DOCK7: variants seen among roughly 807,000 people sequenced by gnomAD.
DOCK7 encodes the protein dedicator of cytokinesis protein 7.
Under a neutral mutation model 271.0 loss-of-function variants are expected in DOCK7, and 138 were observed. The ratio of observed to expected loss-of-function variants is 0.51; its 90% CI spans 0.44 to 0.59. DOCK7 has a LOEUF of 0.59. Ranked by LOEUF, DOCK7 falls within the 20% of genes least tolerant of loss-of-function variation. The pLI, the probability that DOCK7 is intolerant of heterozygous loss-of-function variation, is 0.00. For synonymous variants in DOCK7, 823 were observed against 876.1 expected (o/e 0.94, Z 1.07); for missense variants, 2,066 against 2,592.4 (o/e 0.80, Z 4.41).
intron 20 of DOCK7, among the ~76,000 whole-genome samples, chr1:62,556,758 GATA>G (rs1188136443): frequency 6.6e-6 from 1 of 152,112 alleles, no homozygotes; most frequent in Non-Finnish European, 1.5e-5. Flanking sequence ...ATTATGAAGA[GATA>G]ATGAGGCCAA....
chr1:62,509,930 G>A (rs1197750598), intron 34 of DOCK7, among the ~76,000 whole-genome samples: 1 of 152,156 alleles, frequency 6.6e-6, no homozygotes, highest in Non-Finnish European at 1.5e-5. Context: ...CTGGGAGAGT[G>A]CTAGGCAAAC....
Position 62,663,135 on chromosome 1 carries a change from A to C in DOCK7, c.39-5T>G, listed in dbSNP as rs761965930. ...CTAACTTCGGCTGCCACCGTTCTAC[A>C]ATGAAGAAAGCAAAAACATACGCAT... is the stretch of plus-strand genomic sequence containing the variant. On this transcript the variant is annotated splice_region_variant and splice_polypyrimidine_tract_variant and intron_variant, in intron 1 of 49. Transcript: ENST00000635253. 9 of 1,607,284 alleles carry C rather than the reference A, an allele frequency of 5.6e-6. No homozygotes were observed. The highest frequency in any genetic ancestry group is 5.4e-5 in the African/African-American group (4 of 74,640).
At chr1:62,565,334 C>T (rs922061854) in intron 18 of DOCK7, among the ~76,000 whole-genome samples, 6 of 152,154 alleles carry the variant, frequency 3.9e-5, no homozygotes, top group Admixed American at 1.3e-4. Flanking sequence ...AAACCGAATG[C>T]AGCAGCACAC....
At chr1:62,556,191 G>C (rs1382513942) in intron 20 of DOCK7, among the ~76,000 whole-genome samples, 1 of 151,982 alleles carries the variant, frequency 6.6e-6, no homozygotes, top group Non-Finnish European at 1.5e-5. Flanking sequence ...AACAAAATGA[G>C]AACTCATTTT....
intron 7 of DOCK7, among the ~76,000 whole-genome samples, chr1:62,637,836 G>A (rs906477775): frequency 3.9e-5 from 6 of 152,134 alleles, no homozygotes; most frequent in Non-Finnish European, 7.4e-5. Context: ...TAGCTATACC[G>A]AAGGTCCTTC....
At chr1:62,576,191 GAATA>G (rs1646937125) in intron 18 of DOCK7, among the ~76,000 whole-genome samples, 3 of 152,248 alleles carry the variant, frequency 2.0e-5, no homozygotes, top group East Asian at 1.9e-4. Flanking sequence ...ACTCTATAGA[GAATA>G]AATAAGCAAA....
chr1:62,510,391 GAGA>G (rs956933997), intron 34 of DOCK7, among the ~76,000 whole-genome samples, 183 bp downstream of exon 34: 4 of 152,046 alleles, frequency 2.6e-5, no homozygotes, highest in Admixed American at 6.6e-5. Context: ...ACTATACCAC[GAGA>G]AGTTCTTCCT....
chr1:62,489,331 C>T (rs1646390803), intron 41 of DOCK7, among the ~76,000 whole-genome samples: 1 of 152,024 alleles, frequency 6.6e-6, no homozygotes, highest in Non-Finnish European at 1.5e-5. Context: ...TGCCTGTAGT[C>T]CCAGCTACTC....
intron 4 of DOCK7, among the ~76,000 whole-genome samples, chr1:62,650,582 TCAAA>T (rs1164510562): frequency 1.3e-5 from 2 of 151,934 alleles, no homozygotes; most frequent in African/African-American, 4.8e-5. Context: ...TACAAAGAAC[TCAAA>T]CAAATTTACA....
At chr1:62,544,099 G>C (rs1027877299) in intron 23 of DOCK7, among the ~76,000 whole-genome samples, 15 of 151,712 alleles carry the variant, frequency 9.9e-5, no homozygotes, top group Non-Finnish European at 2.2e-4. Flanking sequence ...ACTGGTCTCA[G>C]ACCAAAAAAG....
intron 14 of DOCK7, among the ~76,000 whole-genome samples, chr1:62,612,528 G>A (rs1036160026): frequency 4.6e-5 from 7 of 151,788 alleles, no homozygotes; most frequent in South Asian, 2.1e-4. Flanking sequence ...CTTGTATCCC[G>A]GAACTTAAAG....
chr1:62,635,948 A>G (rs1355574106), intron 8 of DOCK7, among the ~76,000 whole-genome samples: 1 of 152,128 alleles, frequency 6.6e-6, no homozygotes, highest in African/African-American at 2.4e-5. Flanking sequence ...TATTAGTCTT[A>G]GAATATTAAA....
chr1:62,598,604 A>T, intron 14 of DOCK7: 2 of 727,572 alleles, frequency 2.7e-6, no homozygotes, highest in Admixed American at 4.2e-5. Flanking sequence ...ATCCATTATT[A>T]GTTTAAAAAT....
At chr1:62,603,659 C>T (rs1396798396) in intron 14 of DOCK7, among the ~76,000 whole-genome samples, 1 of 151,706 alleles carries the variant, frequency 6.6e-6, no homozygotes, top group Non-Finnish European at 1.5e-5. Flanking sequence ...AAATATTCCT[C>T]TACCAATGAC....
chr1:62,514,110 C>G (rs1644587329), intron 31 of DOCK7, among the ~76,000 whole-genome samples: 1 of 152,104 alleles, frequency 6.6e-6, no homozygotes, highest in Admixed American at 6.6e-5. Context: ...TTCCTGATAA[C>G]AGAAGTTTGT....
chr1:62,654,032 T>C lies in DOCK7; in HGVS notation c.272A>G (p.Tyr91Cys), dbSNP rs1245999236. 3 of 1,613,934 alleles carry C rather than the reference T, an allele frequency of 1.9e-6. No individual in the cohort carries two copies. The highest frequency in any genetic ancestry group is 2.5e-6 in the Non-Finnish European group (3 of 1,179,886). The change falls in exon 3 of 50, where the codon TAT becomes TGT. Residue 91 changes from tyrosine (Y) to cysteine (C), a missense_variant. By Grantham distance (194) the Tyr-to-Cys change is radical. This residue lies in a region of DOCK7 where 1,414 missense variants were observed against 1,670.4 expected (regional missense o/e 0.85). Transcript: ENST00000635253. ...AAGAGTTCTGCAGTCCCGAGGACTA[T>C]AAACAACTTCAATATCATCTGGAGG... is the stretch of plus-strand genomic sequence containing the variant. ...EFPPDDIEVV[Y>C]SPRDCRTLVS...
At chr1:62,681,033 G>A (rs1661063743) in intron 1 of DOCK7, among the ~76,000 whole-genome samples, 1 of 152,136 alleles carries the variant, frequency 6.6e-6, no homozygotes, top group African/African-American at 2.4e-5. Context: ...TCCCATTACT[G>A]GGTATATACC....
At chr1:62,460,271 A>C (rs890164517) in intron 48 of DOCK7, among the ~76,000 whole-genome samples, 6 of 152,132 alleles carry the variant, frequency 3.9e-5, no homozygotes, top group Non-Finnish European at 8.8e-5. Context: ...ACTTCCAAAC[A>C]AAACACAGTT....
chr1:62,631,227 G>T lies in DOCK7; in HGVS notation c.1282+13C>A. The stretch of plus-strand genomic sequence containing the variant: ...GTAAACATTTAGAAATGTTTTGTAT[G>T]AAACACTCTTACCTCCAGTACTGAT... On this transcript the variant is annotated intron_variant, in intron 11 of 49. Transcript: ENST00000635253. 1 of 1,563,560 alleles carries T rather than the reference G, an allele frequency of 6.4e-7. No individual in the cohort carries two copies. The highest frequency in any genetic ancestry group is 2.0e-5 in the Admixed American group (1 of 49,008).
Sources: allele counts gnomAD v4.1 joint callset (sites outside exome capture counted in the v4.1 genomes callset), GRCh38; gene constraint gnomAD v4.1.1; regional missense constraint gnomAD v4.1.1; transcripts MANE v1.5; gene names NCBI Gene and HGNC (gene_info 2026-07-23, HGNC 2026-07-21).